The following CDH18 variants were observed in gnomAD, a reference collection of about 807,000 sequenced individuals.
CDH18 encodes cadherin 18, also known as cadherin-18.
Under a neutral mutation model 67.9 loss-of-function variants are expected in CDH18, and 31 were observed. The ratio of observed to expected loss-of-function variants is 0.46; its 90% CI spans 0.34 to 0.62. The LOEUF (loss-of-function observed/expected upper bound fraction) is 0.62. CDH18 is among the 20% of genes least tolerant of loss of function. The pLI is 0.01. For missense variants in CDH18, 890 were observed against 975.5 expected, an observed-to-expected ratio of 0.91 and a Z score of 1.17; for synonymous variants, 362 against 347.2, an observed-to-expected ratio of 1.04 and a Z score of -0.48.
chr5:19,930,755 C>G (rs1461758543), intron 2 of CDH18, among the ~76,000 whole-genome samples: 4 of 151,956 alleles, frequency 2.6e-5, no homozygotes, highest in African/African-American at 9.7e-5. Flanking sequence ...TGAAACTGCC[C>G]TTGCTTGTAG....
intron 2 of CDH18, among the ~76,000 whole-genome samples, chr5:20,213,618 T>A (rs75033706): frequency 0.028 from 4,292 of 152,160 alleles, 222 homozygotes; most frequent in African/African-American, 0.098. Flanking sequence ...GGAGTATGTG[T>A]CCAGGAATTT....
intron 1 of CDH18, among the ~76,000 whole-genome samples, chr5:20,331,696 C>G (rs1739204713): frequency 6.6e-6 from 1 of 152,100 alleles, no homozygotes; most frequent in Non-Finnish European, 1.5e-5. Flanking sequence ...CCAGGGGGTC[C>G]TCCTCCCCCC....
chr5:20,393,357 T>C (rs1164578226), intron 1 of CDH18, among the ~76,000 whole-genome samples: 1 of 151,996 alleles, frequency 6.6e-6, no homozygotes, highest in African/African-American at 2.4e-5. Flanking sequence ...GTGTTCCCTG[T>C]GACATAGAAT....
intron 1 of CDH18, among the ~76,000 whole-genome samples, chr5:20,413,125 T>G (rs1230995525): frequency 5.3e-5 from 8 of 152,232 alleles, no homozygotes; most frequent in East Asian, 1.9e-4. Flanking sequence ...TCCATGTCCC[T>G]ACAAAGGACA....
At chr5:20,486,929 C>T (rs1753231357) in intron 1 of CDH18, among the ~76,000 whole-genome samples, 1 of 152,102 alleles carries the variant, frequency 6.6e-6, no homozygotes, top group Non-Finnish European at 1.5e-5. Context: ...ATGAAAACTG[C>T]AGTGGCGACA....
chr5:20,035,260 AG>A (rs1739749043), intron 2 of CDH18, among the ~76,000 whole-genome samples: 2 of 152,030 alleles, frequency 1.3e-5, no homozygotes, highest in Non-Finnish European at 2.9e-5. Flanking sequence ...GGTATATTCC[AG>A]GCCTGTCCAT....
At chr5:19,511,501 C>T (rs150517785) in intron 10 of CDH18, among the ~76,000 whole-genome samples, 3,791 of 152,104 alleles carry the variant, frequency 0.025, 81 homozygotes, top group Middle Eastern at 0.048. Flanking sequence ...ATGGCTTTGA[C>T]GAAAATGCAG....
intron 1 of CDH18, among the ~76,000 whole-genome samples, chr5:20,512,250 A>G (rs1210101115): frequency 2.0e-5 from 3 of 151,994 alleles, no homozygotes; most frequent in African/African-American, 4.8e-5. Flanking sequence ...AATGCTCGCT[A>G]TTTTGTGTAT....
intron 2 of CDH18, among the ~76,000 whole-genome samples, chr5:19,856,188 G>C (rs1784264231): frequency 6.6e-6 from 1 of 152,226 alleles, no homozygotes; most frequent in South Asian, 2.1e-4. Flanking sequence ...TCAGCTGAGA[G>C]CTGATTGGAA....
intron 1 of CDH18, among the ~76,000 whole-genome samples, chr5:20,502,910 G>A (rs1245966103): frequency 6.6e-6 from 1 of 152,032 alleles, no homozygotes; most frequent in Non-Finnish European, 1.5e-5. Context: ...GAGCTTAATA[G>A]GCACCTCAAT....
rs1435982 is a variant in CDH18 at position 20,014,500 on chromosome 5, G to C, written c.-517-22486C>G. On this transcript the variant is annotated intron_variant, in intron 2 of 14. Transcript: ENST00000507958. ...AATGAGGGCTTAAGAAGACAGAATG[G>C]TCCAAAGCAAACAACTGGATCTAAG... 0.019 allele frequency among the ~76,000 whole-genome samples: 2,826 copies of C among 152,130 alleles called. 182 individuals carry two copies. In the East Asian group the frequency reaches 0.25, roughly 14 times the overall value.
At chr5:19,567,281 T>C (rs956504304) in intron 8 of CDH18, among the ~76,000 whole-genome samples, 1 of 152,212 alleles carries the variant, frequency 6.6e-6, no homozygotes, top group Admixed American at 6.5e-5. Flanking sequence ...CTAGACATTA[T>C]ATTCTCTATG....
intron 3 of CDH18, among the ~76,000 whole-genome samples, chr5:19,767,207 C>A (rs1773206653): frequency 6.6e-6 from 1 of 151,636 alleles, no homozygotes; most frequent in African/African-American, 2.4e-5. Flanking sequence ...TTTTGTAAAT[C>A]TCAATTTAAA....
intron 2 of CDH18, among the ~76,000 whole-genome samples, chr5:19,993,522 T>C (rs963051463): frequency 2.6e-5 from 4 of 152,122 alleles, no homozygotes; most frequent in African/African-American, 9.7e-5. Flanking sequence ...ATTCATTCAG[T>C]TGACAAAGCT....
At chr5:20,126,373 A>C (rs1401025781) in intron 2 of CDH18, among the ~76,000 whole-genome samples, 1 of 152,220 alleles carries the variant, frequency 6.6e-6, no homozygotes. Context: ...AAGAAAACAT[A>C]AAGAAAAAGG....
At chr5:20,014,856 T>C (rs1737748303) in intron 2 of CDH18, among the ~76,000 whole-genome samples, 1 of 152,116 alleles carries the variant, frequency 6.6e-6, no homozygotes, top group South Asian at 2.1e-4. Context: ...TAGTGAACTA[T>C]TGAACTGTTG....
At chr5:19,517,914 C>T (rs1746288630) in intron 10 of CDH18, among the ~76,000 whole-genome samples, 2 of 151,754 alleles carry the variant, frequency 1.3e-5, no homozygotes, top group Non-Finnish European at 2.9e-5. Flanking sequence ...TTTTCTTGCA[C>T]TATGTCTAAG....
At chr5:20,417,496 A>G (rs1747412982) in intron 1 of CDH18, among the ~76,000 whole-genome samples, 1 of 152,206 alleles carries the variant, frequency 6.6e-6, no homozygotes, top group South Asian at 2.1e-4. Context: ...CCAGAATTAT[A>G]AAACTAGCAT....
chr5:19,606,885 A>G (rs888739934), intron 6 of CDH18, among the ~76,000 whole-genome samples: 2 of 151,824 alleles, frequency 1.3e-5, no homozygotes, highest in Non-Finnish European at 2.9e-5. Flanking sequence ...TGTAGGTTAA[A>G]TTTTTGAAAA....
Sources: gnomAD v4.1 joint callset for allele counts (sites outside exome capture counted in the v4.1 genomes callset) on GRCh38, gnomAD v4.1.1 for gene constraint, MANE v1.5 for transcripts, NCBI Gene and HGNC (gene_info 2026-07-23, HGNC 2026-07-21) for gene names.